Variants in SGCZ observed in about 807,000 individuals in gnomAD.
The protein encoded by SGCZ is sarcoglycan zeta, also known as zeta-sarcoglycan.
Under a neutral mutation model 41.3 loss-of-function variants are expected in SGCZ, and 40 were observed. The observed-to-expected ratio is 0.97, with a 90% confidence interval of 0.75 to 1.26. The LOEUF is 1.26. Ranked by LOEUF, SGCZ falls within the 50% of genes most tolerant of loss-of-function variation. SGCZ has a pLI of 0.00. For missense variants in SGCZ, 552 were observed against 369.8 expected (o/e 1.49, Z -4.04); for synonymous variants, 206 against 137.5 (o/e 1.50, Z -3.49).
intron 3 of SGCZ, among the ~76,000 whole-genome samples, chr8:14,261,792 G>A (rs1022887987): frequency 2.0e-5 from 3 of 152,100 alleles, no homozygotes; most frequent in Non-Finnish European, 4.4e-5. Context: ...CATTTCATTA[G>A]GGTATGGACT....
chr8:15,109,627 A>G (rs1487643836), intron 1 of SGCZ, among the ~76,000 whole-genome samples: 2 of 152,178 alleles, frequency 1.3e-5, no homozygotes, highest in African/African-American at 4.8e-5. Flanking sequence ...AGTTGGTTAA[A>G]CTTGATTCAG....
intron 1 of SGCZ, among the ~76,000 whole-genome samples, chr8:14,837,921 A>C (rs1442301827): frequency 6.6e-6 from 1 of 152,164 alleles, no homozygotes; most frequent in South Asian, 2.1e-4. Context: ...CTTGTGTTAG[A>C]AACATTCCAA....
intron 1 of SGCZ, among the ~76,000 whole-genome samples, chr8:14,796,992 A>G (rs1801155896): frequency 1.3e-5 from 2 of 152,172 alleles, no homozygotes; most frequent in South Asian, 4.1e-4. Context: ...GTGCTGAACC[A>G]CAAGTCAATT....
intron 4 of SGCZ, among the ~76,000 whole-genome samples, chr8:14,186,354 C>A (rs1804901233): frequency 6.6e-6 from 1 of 152,194 alleles, no homozygotes; most frequent in South Asian, 2.1e-4. Context: ...TCCTTCCCAC[C>A]CCATCCTAAT....
intron 1 of SGCZ, among the ~76,000 whole-genome samples, chr8:14,576,500 T>C (rs2117244966): frequency 6.6e-6 from 1 of 152,304 alleles, no homozygotes; most frequent in South Asian, 2.1e-4. Flanking sequence ...AAATGAAACA[T>C]TTTCTATTTA....
At chr8:15,194,261 C>G (rs1800643204) in intron 1 of SGCZ, among the ~76,000 whole-genome samples, 1 of 151,110 alleles carries the variant, frequency 6.6e-6, no homozygotes. Flanking sequence ...CTCATGGAGA[C>G]TGAAGTCAGC....
intron 5 of SGCZ, among the ~76,000 whole-genome samples, chr8:14,113,780 C>G (rs959617702): frequency 6.6e-6 from 1 of 152,006 alleles, no homozygotes; most frequent in Admixed American, 6.6e-5. Flanking sequence ...ATTTTAAGAA[C>G]CCAGTGTCTG....
intron 1 of SGCZ, among the ~76,000 whole-genome samples, chr8:14,954,444 C>T (rs1244039535): frequency 6.6e-6 from 1 of 152,070 alleles, no homozygotes; most frequent in Admixed American, 6.6e-5. Context: ...TTATTTTCCT[C>T]CACTAAATGT....
intron 1 of SGCZ, among the ~76,000 whole-genome samples, chr8:14,862,548 A>C (rs1803788833): frequency 8.7e-6 from 1 of 114,400 alleles, no homozygotes; most frequent in Non-Finnish European, 1.8e-5. Context: ...ATATATATAT[A>C]TATATATATA....
chr8:15,195,051 AT>A (rs1800677886), intron 1 of SGCZ, among the ~76,000 whole-genome samples: 1 of 152,226 alleles, frequency 6.6e-6, no homozygotes, highest in South Asian at 2.1e-4. Context: ...ATCCAAAAAA[AT>A]AAACTATAAA....
intron 1 of SGCZ, among the ~76,000 whole-genome samples, chr8:14,783,386 A>G (rs1214466143): frequency 6.6e-6 from 1 of 151,910 alleles, no homozygotes; most frequent in Non-Finnish European, 1.5e-5. Flanking sequence ...GTGAGCTGAG[A>G]TAGCACCACT....
intron 1 of SGCZ, among the ~76,000 whole-genome samples, chr8:14,862,917 A>G (rs1015037706): frequency 2.6e-5 from 4 of 152,092 alleles, no homozygotes; most frequent in African/African-American, 4.8e-5. Flanking sequence ...TTTGAGAAGC[A>G]GCTCGTTCAG....
intron 1 of SGCZ, among the ~76,000 whole-genome samples, chr8:14,967,876 C>A (rs1339737664): frequency 1.3e-5 from 2 of 152,124 alleles, no homozygotes; most frequent in Non-Finnish European, 2.9e-5. Context: ...AACTGAGCAT[C>A]CCCGAGGTGA....
intron 2 of SGCZ, among the ~76,000 whole-genome samples, chr8:14,343,783 C>G (rs963595009): frequency 8.6e-5 from 13 of 151,962 alleles, no homozygotes; most frequent in Admixed American, 8.5e-4. Context: ...TAAATCCTCT[C>G]TAAGCAAAGA....
chr8:14,106,626 T>A (rs1451393086), intron 6 of SGCZ, among the ~76,000 whole-genome samples: 1 of 152,192 alleles, frequency 6.6e-6, no homozygotes, highest in Non-Finnish European at 1.5e-5. Flanking sequence ...TTATTTTTTG[T>A]TTCCATCTGA....
intron 1 of SGCZ, among the ~76,000 whole-genome samples, chr8:15,079,928 T>C (rs935441341): frequency 6.6e-6 from 1 of 152,198 alleles, no homozygotes. Flanking sequence ...GTTTCCATTT[T>C]TGGGCCCAGC....
At chr8:14,989,528 C>T (rs538546658) in intron 1 of SGCZ, among the ~76,000 whole-genome samples, 27 of 152,048 alleles carry the variant, frequency 1.8e-4, no homozygotes, top group African/African-American at 6.0e-4. Flanking sequence ...GATTCATATG[C>T]CCTGAGAGGT....
At chr8:15,189,546 A>G (rs946567699) in intron 1 of SGCZ, among the ~76,000 whole-genome samples, 5 of 149,448 alleles carry the variant, frequency 3.3e-5, no homozygotes, top group African/African-American at 4.9e-5. Flanking sequence ...ATTTCAAAAT[A>G]CTTCATGAGG....
At position 14,277,081 on chromosome 8, in the gene SGCZ, C is replaced by G. The variant is rs146217371; in HGVS notation, c.337-39402G>C. 5.3e-3 allele frequency among the ~76,000 whole-genome samples: 804 copies of G among 152,256 alleles called. 8 individuals carry two copies. The highest frequency in any genetic ancestry group is 0.019 in the South Asian group (94 of 4,832). On this transcript the variant is annotated intron_variant, in intron 3 of 7. Coordinates refer to ENST00000382080, the MANE Select transcript of SGCZ (RefSeq NM_139167.4). ...TGTGCTATTTGTCCAATTCTTTGTT[C>G]AAGATGCCAAGAACCTGGACATCCT...
Sources: gnomAD v4.1 joint callset for allele counts (sites outside exome capture counted in the v4.1 genomes callset) on GRCh38, gnomAD v4.1.1 for gene constraint, MANE v1.5 for transcripts, NCBI Gene and HGNC (gene_info 2026-07-23, HGNC 2026-07-21) for gene names.